The following SFI1 variants were observed in gnomAD, a reference collection of about 807,000 sequenced individuals.
SFI1 encodes the protein protein SFI1 homolog.
In SFI1, 195 loss-of-function variants were observed where a neutral mutation model predicts 207.5. The observed-to-expected ratio is 0.94, with a 90% CI of 0.84 to 1.06. The LOEUF (loss-of-function observed/expected upper bound fraction) is 1.06. SFI1 is among the 50% of genes least tolerant of loss of function. The probability of loss-of-function intolerance (pLI) is 0.00; values close to 1 mark genes in which losing one functional copy is unlikely to be tolerated. For synonymous variants in SFI1, 630 were observed against 598.9 expected, an observed-to-expected ratio of 1.05 and a Z score of -0.76; for missense variants, 1,634 against 1,588.0, an observed-to-expected ratio of 1.03 and a Z score of -0.49.
At chr22:31,557,624 G>GTTTGTGTGTGCATGTGTTAAT (rs1215760554) in intron 7 of SFI1, among the ~76,000 whole-genome samples, 2 of 152,154 alleles carry the variant, frequency 1.3e-5, no homozygotes, top group African/African-American at 4.8e-5. Context: ...CCTGTGTTAA[G>GTTTGTGTGTGCATGTGTTAAT]TTTGTGTGTG....
At chr22:31,576,831 AG>A (rs2063573547) in intron 10 of SFI1, among the ~76,000 whole-genome samples, 1 of 151,226 alleles carries the variant, frequency 6.6e-6, no homozygotes, top group Non-Finnish European at 1.5e-5. Context: ...TAGTAGAGAC[AG>A]GGTTTCTCCA....
chr22:31,613,390 A>T lies in SFI1; in HGVS notation c.2602A>T (p.Arg868Trp), dbSNP rs1376096304. 6.2e-7 allele frequency: 1 copy of T among 1,611,680 alleles called. No homozygotes were observed. Among genetic ancestry groups the T allele is most frequent in the Admixed American group, 1.7e-5 (1 of 60,004 alleles). Reference protein sequence around the residue: ...ATWLAFVLERRRKKARLQWAL... With the variant: ...ATWLAFVLERWRKKARLQWAL... ...GTGGCTGGCCTTTGTACTGGAAAGG[A>T]GGAGAAAGAAGGCGCGGCTGCAGTG... The change falls in exon 26 of 33, where the codon AGG becomes TGG. Residue 868 changes from arginine to tryptophan, a missense_variant. Physicochemically the swap from Arg to Trp is moderately radical, Grantham distance 101 (BLOSUM62 -3). Coordinates refer to ENST00000400288, the MANE Select transcript of SFI1 (RefSeq NM_001007467.3).
intron 22 of SFI1, among the ~76,000 whole-genome samples, chr22:31,608,235 A>C (rs1445371269): frequency 6.6e-6 from 1 of 152,164 alleles, no homozygotes; most frequent in African/African-American, 2.4e-5. Context: ...TCAGCGATCA[A>C]GGTGTGGCAG....
At chr22:31,595,371 CAAAT>C (rs1388177999) in intron 15 of SFI1, among the ~76,000 whole-genome samples, 4 of 152,188 alleles carry the variant, frequency 2.6e-5, no homozygotes, top group Non-Finnish European at 5.9e-5. Context: ...AGACAGAAAA[CAAAT>C]ACATAAACTC....
Position 31,531,088 on chromosome 22 carries a change from G to T in SFI1, c.297G>T (p.Trp99Cys). The T allele has an allele frequency of 6.2e-7, 1 of 1,613,518 alleles. No individual in the cohort carries two copies. Among genetic ancestry groups the T allele is most frequent in the Non-Finnish European group, 8.5e-7 (1 of 1,179,812 alleles). ...TGGCCAGAAAGTTCTTATATTTATG[G>T]ATTCGAATGACTTTTGGAAGAGTAT... is the stretch of plus-strand genomic sequence containing the variant. The part of the protein sequence containing the change: ...RCVARKFLYL[W>C]IRMTFGRVFP... The change falls in exon 4 of 33, where the codon TGG becomes TGT. Residue 99 changes from tryptophan to cysteine, a missense_variant. Transcript: ENST00000400288.
chr22:31,536,232 G>A (rs140979170), intron 4 of SFI1, among the ~76,000 whole-genome samples: 150 of 152,150 alleles, frequency 9.9e-4, no homozygotes, highest in African/African-American at 3.5e-3. Flanking sequence ...CCCTCGTGCT[G>A]GAGAGGATAA....
At chr22:31,612,371 C>T (rs1451780429) in intron 24 of SFI1, 4 of 92,596 alleles carry the variant, frequency 4.3e-5, no homozygotes, top group Admixed American at 1.3e-4. Flanking sequence ...CAGAGCGAGA[C>T]TCTGTCTAAA....
At chr22:31,579,077 A>G (rs62237793) in intron 11 of SFI1, among the ~76,000 whole-genome samples, 6,876 of 152,214 alleles carry the variant, frequency 0.045, 134 homozygotes, top group African/African-American at 0.053. Context: ...CTCCCACCTC[A>G]GCCTCCTGAG....
At position 31,575,224 on chromosome 22, in the gene SFI1, G is replaced by A. The variant is rs1176728404; in HGVS notation, c.923-7G>A. 6.2e-7 allele frequency: 1 copy of A among 1,603,794 alleles called. No homozygotes were observed. On this transcript the variant is annotated splice_region_variant and splice_polypyrimidine_tract_variant and intron_variant, in intron 9 of 32. Transcript: ENST00000400288. ...GGAGTAGCACTTAAGTTATTTCTCT[G>A]TTGCAGAGATGGCTGAGCGATTCCA...
intron 8 of SFI1, among the ~76,000 whole-genome samples, chr22:31,567,880 T>G (rs1295437705): frequency 2.0e-5 from 3 of 152,154 alleles, no homozygotes; most frequent in Non-Finnish European, 4.4e-5. Flanking sequence ...AAATACAATA[T>G]TTTGACTGTT....
chr22:31,615,197 C>T lies in SFI1; in HGVS notation c.3218C>T (p.Pro1073Leu). 6.3e-7 allele frequency: 1 copy of T among 1,583,992 alleles called. No homozygotes were observed. The highest frequency in any genetic ancestry group is 8.6e-7 in the Non-Finnish European group (1 of 1,168,674). The part of the protein sequence containing the change: ...ALSSAPGPKQ[P>L]PTASTGPELL... Reference sequence around the variant, plus strand: ...TCAAGCGCCCCTGGCCCGAAGCAGCCCCCGACGGCAAGCACAGGCCCGGAG... The same window carrying T: ...TCAAGCGCCCCTGGCCCGAAGCAGCTCCCGACGGCAAGCACAGGCCCGGAG... The change falls in exon 29 of 33, where the codon CCC (proline) becomes CTC (leucine). Residue 1073 changes from proline to leucine, a missense_variant. Coordinates refer to ENST00000400288, the MANE Select transcript of SFI1 (RefSeq NM_001007467.3).
Position 31,556,945 on chromosome 22 carries a change from C to G in SFI1, c.548C>G (p.Ala183Gly). 6.3e-7 allele frequency: 1 copy of G among 1,597,670 alleles called. No individual in the cohort carries two copies. The highest frequency in any genetic ancestry group is 1.1e-5 in the South Asian group (1 of 89,120). The part of the protein sequence containing the change: ...NKYIRAEVHD[A>G]KQKMRQAWKS... ...AAAATCTCTTTGGTGAATCTAGATG[C>G]AAAGCAAAAGATGCGACAGGCCTGG... is the stretch of plus-strand genomic sequence containing the variant. The change falls in exon 7 of 33, where the codon GCA becomes GGA. Residue 183 changes from alanine to glycine, a missense_variant. Coordinates refer to ENST00000400288, the MANE Select transcript of SFI1 (RefSeq NM_001007467.3).
chr22:31,588,924 C>CT (rs2065405809), intron 14 of SFI1, among the ~76,000 whole-genome samples: 1 of 151,860 alleles, frequency 6.6e-6, no homozygotes, highest in Non-Finnish European at 1.5e-5. Context: ...ATGGTATATT[C>CT]TTATGTCCAT....
chr22:31,584,765 G>GA (rs1237200349), intron 13 of SFI1, among the ~76,000 whole-genome samples: 1 of 152,060 alleles, frequency 6.6e-6, no homozygotes, highest in Non-Finnish European at 1.5e-5. Context: ...CATGAAACCA[G>GA]AAAGTTCAGG....
Position 31,599,565 on chromosome 22 carries a change from C to T in SFI1, c.1545-2647C>T, listed in dbSNP as rs202012717. Among the ~76,000 whole-genome samples the T allele has an allele frequency of 7.9e-5, 12 of 152,094 alleles. No individual in the cohort carries two copies. In the East Asian group the frequency reaches 1.9e-3, roughly 25 times the overall value. On this transcript the variant is annotated intron_variant, in intron 15 of 32. Coordinates refer to ENST00000400288, the MANE Select transcript of SFI1 (RefSeq NM_001007467.3). ...CAGGATGGTCTCCATCTCTTGACCT[C>T]GTGATCCACCTGCCTTGGCCTCCCA... is the stretch of plus-strand genomic sequence containing the variant.
chr22:31,503,582 C>CTT (rs2054146727), intron 1 of SFI1, among the ~76,000 whole-genome samples: 1 of 132,012 alleles, frequency 7.6e-6, no homozygotes, highest in African/African-American at 2.9e-5. Context: ...TTTTCTTGGA[C>CTT]TGTTTTTTTT....
At chr22:31,530,991 C>T (rs1379763530) in intron 3 of SFI1, 67 bp from the exon 4 acceptor site, 1 of 1,374,642 alleles carries the variant, frequency 7.3e-7, no homozygotes, top group African/African-American at 1.4e-5. Context: ...CTTTCCTTTC[C>T]AGAAAACTGC....
At chr22:31,510,320 A>G (rs1247843902) in intron 2 of SFI1, among the ~76,000 whole-genome samples, 2 of 151,942 alleles carry the variant, frequency 1.3e-5, no homozygotes, top group Non-Finnish European at 2.9e-5. Flanking sequence ...TCAGCCTCCC[A>G]AAGTGCTGGG....
intron 8 of SFI1, among the ~76,000 whole-genome samples, chr22:31,568,636 G>T (rs1270937270): frequency 6.6e-6 from 1 of 150,882 alleles, no homozygotes. Flanking sequence ...CCCACTAATA[G>T]GAACCAGGGC....
Sources: gnomAD v4.1 joint callset for allele counts (sites outside exome capture counted in the v4.1 genomes callset) on GRCh38, gnomAD v4.1.1 for gene constraint, MANE v1.5 for transcripts, NCBI Gene and HGNC (gene_info 2026-07-23, HGNC 2026-07-21) for gene names.